ZNF713: variants seen among roughly 807,000 people sequenced by gnomAD.
The protein encoded by ZNF713 is zinc finger protein 713.
A neutral mutation model predicts 28.7 loss-of-function variants in ZNF713; 21 were observed. That is an observed-to-expected ratio of 0.73 (90% CI 0.52 to 1.05). ZNF713 has a LOEUF of 1.05. Among genes scored for constraint, ZNF713 ranks in the 50% least tolerant of loss-of-function variants. The probability of loss-of-function intolerance (pLI) is 0.00; values close to 1 mark genes in which losing one functional copy is unlikely to be tolerated. For missense variants in ZNF713, 458 were observed against 532.4 expected (o/e 0.86, Z 1.37); for synonymous variants, 167 against 178.0 (o/e 0.94, Z 0.49).
At chr7:55,920,269 T>C (rs1785969845) in intron 4 of ZNF713, among the ~76,000 whole-genome samples, 1 of 152,236 alleles carries the variant, frequency 6.6e-6, no homozygotes, top group African/African-American at 2.4e-5. Flanking sequence ...GCATGTCGAA[T>C]GCATTTGAAA....
chr7:55,919,486 T>G (rs1419572659), intron 4 of ZNF713, among the ~76,000 whole-genome samples: 1 of 125,442 alleles, frequency 8.0e-6, no homozygotes, highest in Non-Finnish European at 1.6e-5. Context: ...TGGTAAACAC[T>G]CCAGTTTTTT....
intron 1 of ZNF713, among the ~76,000 whole-genome samples, chr7:55,894,744 G>A (rs1212359792): frequency 6.6e-6 from 1 of 152,026 alleles, no homozygotes; most frequent in Non-Finnish European, 1.5e-5. Context: ...ACAACCTAAA[G>A]GTCTATTAAT....
intron 4 of ZNF713, among the ~76,000 whole-genome samples, chr7:55,921,019 T>A (rs1785981444): frequency 6.6e-6 from 1 of 152,142 alleles, no homozygotes; most frequent in South Asian, 2.1e-4. Flanking sequence ...GACTTTAAGC[T>A]GGAGCCAATG....
chr7:55,903,247 C>T (rs1436413569), intron 1 of ZNF713, among the ~76,000 whole-genome samples: 1 of 151,942 alleles, frequency 6.6e-6, no homozygotes, highest in East Asian at 1.9e-4. Context: ...AGGCACTGGA[C>T]ATTGAAAATA....
Position 55,939,985 on chromosome 7 carries a change from T to G in ZNF713, c.1311T>G (p.Ser437Arg), listed in dbSNP as rs755022160. The change falls in exon 7 of 7, where the codon AGT becomes AGG. Residue 437 changes from serine (S) to arginine (R), a missense_variant. Ser to Arg is a moderately radical substitution (Grantham distance 110). Transcript: ENST00000429591. ...EYKCEQTVRH[S>R]PSFSST is the part of the protein sequence containing the mutation. ...AATGTGAGCAAACTGTTCGCCACAG[T>G]CCTTCATTTAGCAGCACATAACTTA... 4 of 1,591,204 alleles carry G rather than the reference T, an allele frequency of 2.5e-6. No individual in the cohort carries two copies. The African/African-American group carries it at 5.4e-5, about 21-fold the overall frequency.
At chr7:55,897,957 A>G (rs1195580316) in intron 1 of ZNF713, among the ~76,000 whole-genome samples, 1 of 152,214 alleles carries the variant, frequency 6.6e-6, no homozygotes, top group Non-Finnish European at 1.5e-5. Context: ...AAGTTCCTAC[A>G]TAGCTTCAGG....
At chr7:55,918,212 C>T (rs1692001236) in intron 4 of ZNF713, 1 of 428,124 alleles carries the variant, frequency 2.3e-6, no homozygotes, top group Non-Finnish European at 4.7e-6. Flanking sequence ...CCAGACAGCC[C>T]ATGGAGAAGC....
chr7:55,941,306 A>C lies in ZNF713; in HGVS notation c.*1300A>C, dbSNP rs1188541844. Reference sequence around the variant, plus strand: ...CCCCATCTCTACTAAAAATACAAAAATTAGCTGGGTATGGTGGTGCACGCC... The same window carrying C: ...CCCCATCTCTACTAAAAATACAAAACTTAGCTGGGTATGGTGGTGCACGCC... On this transcript the variant is annotated 3_prime_UTR_variant, in exon 7 of 7. Coordinates refer to ENST00000429591, the MANE Select transcript of ZNF713 (RefSeq NM_182633.3). 3.3e-5 allele frequency: 5 copies of C among 151,678 alleles called. No individual in the cohort carries two copies. Among genetic ancestry groups the C allele is most frequent in the Admixed American group, 3.3e-4 (5 of 15,212 alleles). 9.4% of individuals were successfully genotyped at this position (151,678 alleles called of 1,614,324 possible). A position where few individuals can be genotyped will look rare whatever the true frequency, so the allele number is the denominator to read the frequency against.
At chr7:55,905,525 T>C (rs1785662571) in intron 1 of ZNF713, among the ~76,000 whole-genome samples, 1 of 151,926 alleles carries the variant, frequency 6.6e-6, no homozygotes, top group Non-Finnish European at 1.5e-5. Flanking sequence ...TTAGCACACT[T>C]TGGGAAAACT....
chr7:55,926,572 A>C (rs1266705052), intron 6 of ZNF713, among the ~76,000 whole-genome samples: 1 of 152,192 alleles, frequency 6.6e-6, no homozygotes, highest in Non-Finnish European at 1.5e-5. Context: ...TATGCAGTCT[A>C]ATTCTGCACG....
At chr7:55,913,074 T>C (rs1488537110) in intron 4 of ZNF713, among the ~76,000 whole-genome samples, 1 of 152,244 alleles carries the variant, frequency 6.6e-6, no homozygotes, top group South Asian at 2.1e-4. Context: ...CCGAGGCCCC[T>C]AGGACTGCTT....
At chr7:55,899,356 CAAAAAA>C (rs71015114) in intron 1 of ZNF713, among the ~76,000 whole-genome samples, 12,466 of 68,552 alleles carry the variant, frequency 0.18, 792 homozygotes, top group Non-Finnish European at 0.2. Flanking sequence ...GATTCCATCT[CAAAAAA>C]AAAAAAAAAA....
intron 6 of ZNF713, chr7:55,923,943 T>A: frequency 3.3e-6 from 1 of 300,208 alleles, no homozygotes; most frequent in Admixed American, 4.2e-5. Flanking sequence ...ATTTTGAAGG[T>A]ATCCATTTAA....
rs1786445694 is a variant in ZNF713 at position 55,940,512 on chromosome 7, ATAATT to A, written c.*509_*513del. ...CCAGGAGGGGTTATAAAAAGAAAAA[ATAATT>A]TATTTTACAAATGAGATTATATTTG... On this transcript the variant is annotated 3_prime_UTR_variant, in exon 7 of 7. Transcript: ENST00000429591. 5.1e-6 allele frequency: 5 copies of A among 981,962 alleles called. No homozygotes were observed. The highest frequency in any genetic ancestry group is 6.0e-6 in the Non-Finnish European group (5 of 826,806). The allele number at this position is 981,962 out of a possible 1,614,324, so 60.8% of individuals were successfully genotyped here. A position where few individuals can be genotyped will look rare whatever the true frequency, so the allele number is the denominator to read the frequency against.
intron 6 of ZNF713, among the ~76,000 whole-genome samples, chr7:55,933,588 G>A (rs1406767300): frequency 6.6e-6 from 1 of 151,962 alleles, no homozygotes; most frequent in East Asian, 1.9e-4. Flanking sequence ...GTGAGCTACT[G>A]TGCCCGGCTT....
At chr7:55,891,910 GA>G (rs908212119) in intron 1 of ZNF713, among the ~76,000 whole-genome samples, 7 of 152,014 alleles carry the variant, frequency 4.6e-5, no homozygotes, top group South Asian at 2.1e-4. Context: ...TTAAATCATA[GA>G]AAAAAAGTAA....
At chr7:55,933,062 C>G (rs1039420899) in intron 6 of ZNF713, among the ~76,000 whole-genome samples, 7 of 150,520 alleles carry the variant, frequency 4.7e-5, no homozygotes, top group African/African-American at 1.7e-4. Flanking sequence ...ATGGTGAAAC[C>G]CCATCTCTAT....
Position 55,923,636 on chromosome 7 carries a change from G to A in ZNF713, c.244G>A (p.Ala82Thr), listed in dbSNP as rs750435267. Residue 82 changes from alanine (A) to threonine (T), a missense_variant, in exon 6 of 7, where the codon GCG becomes ACG. By Grantham distance (58) the Ala-to-Thr change is moderately conservative (BLOSUM62 0). Transcript: ENST00000429591. ...GYQLCKPEVIAQLELEEEWVI... is the reference protein window; with the variant it reads ...GYQLCKPEVITQLELEEEWVI... ...TCAGCTTTGTAAGCCAGAGGTAATC[G>A]CGCAGTTGGAGCTAGAGGAAGAATG... The A allele has an allele frequency of 4.5e-5, 73 of 1,610,070 alleles. No homozygotes were observed. Among genetic ancestry groups the A allele is most frequent in the Non-Finnish European group, 6.0e-5 (71 of 1,178,066 alleles).
intron 4 of ZNF713, among the ~76,000 whole-genome samples, chr7:55,921,170 TAAGAACCACTGCTCAGG>T (rs1341484266): frequency 6.6e-6 from 1 of 152,052 alleles, no homozygotes; most frequent in Non-Finnish European, 1.5e-5. Context: ...AACCCACTGT[TAAGAACCACTGCTCAGG>T]AAAAAAAAAA....
Sources: gnomAD v4.1 joint callset for allele counts (sites outside exome capture counted in the v4.1 genomes callset) on GRCh38, gnomAD v4.1.1 for gene constraint, MANE v1.5 for transcripts, NCBI Gene and HGNC (gene_info 2026-07-23, HGNC 2026-07-21) for gene names.